Variants in MOB3B observed in about 807,000 individuals in gnomAD.
MOB3B encodes MOB kinase activator 3B, also known as MOB kinase activator-like 2B.
In MOB3B, 7 loss-of-function variants were observed where a neutral mutation model predicts 18.7. That is an observed-to-expected ratio of 0.37 (90% CI 0.21 to 0.70). The LOEUF (loss-of-function observed/expected upper bound fraction) is 0.70. Among genes scored for constraint, MOB3B ranks in the 30% least tolerant of loss-of-function variants. The pLI is 0.52. For missense variants in MOB3B, 253 were observed against 281.3 expected, an observed-to-expected ratio of 0.90 and a Z score of 0.72; for synonymous variants, 111 against 99.9, an observed-to-expected ratio of 1.11 and a Z score of -0.66.
In MOB3B at chr9:27,524,470, T is replaced by C. The variant is rs142389486; in HGVS notation, c.-199+5085A>G. On this transcript the variant is annotated intron_variant, in intron 1 of 3. Transcript: ENST00000262244. ...CTGAGAAGAGTCACCTGGCAAAATCTGAGACATCTGAGTAGTATGAGCAAT... is the reference window on the plus strand; with the variant it reads ...CTGAGAAGAGTCACCTGGCAAAATCCGAGACATCTGAGTAGTATGAGCAAT... The C allele has an allele frequency of 1.1e-4, 185 of 1,614,092 alleles. No individual in the cohort carries two copies. Among genetic ancestry groups the C allele is most frequent in the African/African-American group, 1.5e-4 (11 of 75,034 alleles).
chr9:27,435,047 T>TTCTCTCTCTC (rs60408942), intron 2 of MOB3B, among the ~76,000 whole-genome samples: 5 of 145,892 alleles, frequency 3.4e-5, no homozygotes, highest in East Asian at 2.0e-4. Flanking sequence ...TGTAAGGTGT[T>TTCTCTCTCTC]TCTCTCTCTC....
At chr9:27,451,650 C>A (rs940169541) in intron 2 of MOB3B, among the ~76,000 whole-genome samples, 9 of 152,056 alleles carry the variant, frequency 5.9e-5, no homozygotes, top group African/African-American at 2.2e-4. Context: ...GAAGTTTGAA[C>A]CCCTCCCAAT....
rs564822045 is a variant in MOB3B, at chr9:27,329,356, C to A, written c.*1231G>T. ...AGGTTTCAAAAGGCAGGATGTAGTA[C>A]AGAATGCATTATTCTGACTGTCTTC... On this transcript the variant is annotated 3_prime_UTR_variant, in exon 4 of 4. Coordinates refer to ENST00000262244, the MANE Select transcript of MOB3B (RefSeq NM_024761.5). 1 of 152,092 alleles carries A rather than the reference C, an allele frequency of 6.6e-6. No homozygotes were observed. The highest frequency in any genetic ancestry group is 2.4e-5 in the African/African-American group (1 of 41,400). 9.4% of individuals were successfully genotyped at this position (152,092 alleles called of 1,614,324 possible).
At chr9:27,440,041 G>A (rs191413003) in intron 2 of MOB3B, among the ~76,000 whole-genome samples, 273 of 152,300 alleles carry the variant, frequency 1.8e-3, no homozygotes, top group African/African-American at 6.3e-3. Flanking sequence ...CATTATTACA[G>A]TAACTGTCTA....
intron 2 of MOB3B, among the ~76,000 whole-genome samples, chr9:27,359,957 G>A (rs1447702572): frequency 1.3e-5 from 2 of 152,190 alleles, no homozygotes; most frequent in African/African-American, 4.8e-5. Context: ...GTGACATGTT[G>A]TAATGGGTTC....
chr9:27,367,171 G>A (rs866106089), intron 2 of MOB3B, among the ~76,000 whole-genome samples: 17 of 152,244 alleles, frequency 1.1e-4, no homozygotes, highest in Admixed American at 5.9e-4. Context: ...CTCCTGTGCC[G>A]CCTGCATACC....
intron 1 of MOB3B, among the ~76,000 whole-genome samples, chr9:27,493,925 AT>A (rs1434031004): frequency 6.6e-6 from 1 of 152,150 alleles, no homozygotes; most frequent in Admixed American, 6.5e-5. Flanking sequence ...GAACAGAGCC[AT>A]TTTTCTCTTC....
chr9:27,471,583 C>A (rs1212581813), intron 1 of MOB3B, among the ~76,000 whole-genome samples: 2 of 152,204 alleles, frequency 1.3e-5, no homozygotes, highest in Non-Finnish European at 1.5e-5. Context: ...CATTGCTCAA[C>A]GTTAGCTTCC....
intron 1 of MOB3B, among the ~76,000 whole-genome samples, chr9:27,486,928 C>G (rs1169258694): frequency 6.6e-6 from 1 of 152,004 alleles, no homozygotes; most frequent in Non-Finnish European, 1.5e-5. Flanking sequence ...GCCAGGGGTT[C>G]AAGACCAGCC....
intron 2 of MOB3B, among the ~76,000 whole-genome samples, chr9:27,413,062 T>C (rs1481822404): frequency 2.0e-5 from 3 of 152,236 alleles, no homozygotes; most frequent in Non-Finnish European, 2.9e-5. Flanking sequence ...TTAACATTCC[T>C]ATCTTCTGTC....
chr9:27,344,920 C>G (rs544542069), intron 3 of MOB3B, among the ~76,000 whole-genome samples: 1 of 152,252 alleles, frequency 6.6e-6, no homozygotes, highest in East Asian at 1.9e-4. Context: ...CTTACAGTCT[C>G]GGCCTGGCCG....
At chr9:27,393,742 T>G (rs1231843092) in intron 2 of MOB3B, among the ~76,000 whole-genome samples, 1 of 152,164 alleles carries the variant, frequency 6.6e-6, no homozygotes, top group Non-Finnish European at 1.5e-5. Flanking sequence ...ATCCCCACTT[T>G]CCAGATGAAG....
rs191715071 is a variant in MOB3B, at chr9:27,465,197, G to A, written c.-198-9449C>T. Among the ~76,000 whole-genome samples, 867 of 152,274 alleles carry A rather than the reference G, an allele frequency of 5.7e-3. 6 individuals carry two copies. Among genetic ancestry groups the A allele is most frequent in the Middle Eastern group, 0.02 (6 of 294 alleles). On this transcript the variant is annotated intron_variant, in intron 1 of 3. Transcript: ENST00000262244. ...TAGTTAATTCCTAGACACAATGTGC[G>A]TACAGGTATTGGGTAAATACAGCTG...
chr9:27,380,388 G>T (rs552973322), intron 2 of MOB3B, among the ~76,000 whole-genome samples: 1 of 149,742 alleles, frequency 6.7e-6, no homozygotes, highest in Admixed American at 6.7e-5. Context: ...ACAGACGCCC[G>T]CCATGACACC....
intron 3 of MOB3B, among the ~76,000 whole-genome samples, chr9:27,344,319 T>A (rs1156267192): frequency 2.6e-5 from 4 of 152,258 alleles, no homozygotes; most frequent in Non-Finnish European, 5.9e-5. Flanking sequence ...CATGCCCAAC[T>A]AATTCAGTTC....
chr9:27,438,856 G>A (rs1239209399), intron 2 of MOB3B, among the ~76,000 whole-genome samples: 1 of 152,080 alleles, frequency 6.6e-6, no homozygotes, highest in African/African-American at 2.4e-5. Flanking sequence ...ACTCCTTGAG[G>A]GGTGACTGAG....
chr9:27,501,009 A>G (rs1386830825), intron 1 of MOB3B, among the ~76,000 whole-genome samples: 1 of 152,210 alleles, frequency 6.6e-6, no homozygotes, highest in Non-Finnish European at 1.5e-5. Context: ...AAACCTCATC[A>G]TCACTGGTCA....
Position 27,326,149 on chromosome 9 carries a change from A to G in MOB3B, c.*4438T>C. On this transcript the variant is annotated 3_prime_UTR_variant, in exon 4 of 4. Coordinates refer to ENST00000262244, the MANE Select transcript of MOB3B (RefSeq NM_024761.5). The stretch of plus-strand genomic sequence containing the variant: ...TCTGGACTTAGCAAAGAAACAATAT[A>G]GTTTGGAGAAGGCATGAAATAAGTT... 4.0e-6 allele frequency: 1 copy of G among 250,670 alleles called. No individual in the cohort carries two copies. The allele number at this position is 250,670 out of a possible 1,614,324, so 15.5% of individuals were successfully genotyped here.
At chr9:27,458,792 G>C (rs1819231538) in intron 1 of MOB3B, among the ~76,000 whole-genome samples, 1 of 151,964 alleles carries the variant, frequency 6.6e-6, no homozygotes, top group South Asian at 2.1e-4. Flanking sequence ...CTGACCTCAA[G>C]CAATCCTCCC....
Sources: gnomAD v4.1 joint callset for allele counts (sites outside exome capture counted in the v4.1 genomes callset) on GRCh38, gnomAD v4.1.1 for gene constraint, MANE v1.5 for transcripts, NCBI Gene and HGNC (gene_info 2026-07-23, HGNC 2026-07-21) for gene names.